ADCY2: variants seen among roughly 807,000 people sequenced by gnomAD.
ADCY2 encodes adenylate cyclase type 2.
In ADCY2, 31 loss-of-function variants were observed where a neutral mutation model predicts 125.2. That is an observed-to-expected ratio of 0.25 (90% CI 0.19 to 0.33). The LOEUF (loss-of-function observed/expected upper bound fraction) is 0.33, where lower values mean the gene tolerates loss of function less well. ADCY2 is among the 10% of genes least tolerant of loss of function. The pLI, the probability that ADCY2 is intolerant of heterozygous loss-of-function variation, is 1.00. For missense variants in ADCY2, 904 were observed against 1,418.2 expected (o/e 0.64, Z 5.82); for synonymous variants, 512 against 548.4 (o/e 0.93, Z 0.93).
intron 2 of ADCY2, among the ~76,000 whole-genome samples, chr5:7,437,716 G>A (rs1007273700): frequency 6.6e-6 from 1 of 152,214 alleles, no homozygotes. Context: ...TCGTTCAACA[G>A]GTGAGTAATA....
chr5:7,552,741 G>T (rs1473418383), intron 3 of ADCY2, among the ~76,000 whole-genome samples: 2 of 152,084 alleles, frequency 1.3e-5, no homozygotes, highest in Non-Finnish European at 2.9e-5. Context: ...AAATAACTTG[G>T]CCTTATTAAC....
At chr5:7,580,456 T>G (rs1468588569) in intron 3 of ADCY2, among the ~76,000 whole-genome samples, 1 of 152,146 alleles carries the variant, frequency 6.6e-6, no homozygotes, top group African/African-American at 2.4e-5. Flanking sequence ...GTTAATATAT[T>G]AATGAGTGAG....
intron 4 of ADCY2, among the ~76,000 whole-genome samples, chr5:7,666,490 G>A (rs971085776): frequency 3.3e-5 from 5 of 151,892 alleles, no homozygotes; most frequent in Admixed American, 1.3e-4. Context: ...GGATGGTCTC[G>A]ATCTCCGGAC....
intron 4 of ADCY2, among the ~76,000 whole-genome samples, chr5:7,669,348 G>C (rs945906944): frequency 6.6e-6 from 1 of 152,162 alleles, no homozygotes. Context: ...GGACACGGTA[G>C]GTCAGAGGGC....
chr5:7,798,673 G>C (rs377662270), intron 20 of ADCY2: 1 of 149,984 alleles, frequency 6.7e-6, no homozygotes, highest in Non-Finnish European at 1.5e-5. Context: ...TCTACCTCCC[G>C]GGTTCACGCC....
At chr5:7,456,250 G>C (rs772949621) in intron 2 of ADCY2, among the ~76,000 whole-genome samples, 2 of 152,188 alleles carry the variant, frequency 1.3e-5, no homozygotes, top group African/African-American at 4.8e-5. Flanking sequence ...TCTAGATTAT[G>C]AATTTGGTAT....
intron 4 of ADCY2, among the ~76,000 whole-genome samples, chr5:7,674,952 G>T (rs983600494): frequency 6.6e-6 from 1 of 152,052 alleles, no homozygotes; most frequent in Non-Finnish European, 1.5e-5. Context: ...TCAGGAGATC[G>T]AGACCATCCT....
At chr5:7,761,503 G>A (rs1008154196) in intron 16 of ADCY2, among the ~76,000 whole-genome samples, 1 of 152,086 alleles carries the variant, frequency 6.6e-6, no homozygotes, top group South Asian at 2.1e-4. Flanking sequence ...TATCTTGGGT[G>A]TTATGAATAA....
chr5:7,398,985 A>G (rs1407164886), intron 1 of ADCY2, among the ~76,000 whole-genome samples: 1 of 152,214 alleles, frequency 6.6e-6, no homozygotes, highest in Admixed American at 6.5e-5. Flanking sequence ...GTGTTCATGT[A>G]ATTAGAGATG....
chr5:7,663,433 G>T (rs1016720121), intron 4 of ADCY2, among the ~76,000 whole-genome samples: 9 of 152,252 alleles, frequency 5.9e-5, no homozygotes, highest in African/African-American at 2.2e-4. Flanking sequence ...CTCCCACGGG[G>T]GGGCCTGGAG....
intron 2 of ADCY2, among the ~76,000 whole-genome samples, chr5:7,481,946 T>C (rs1245099624): frequency 1.3e-5 from 2 of 152,180 alleles, no homozygotes; most frequent in Admixed American, 1.3e-4. Flanking sequence ...TTTGAGGCAC[T>C]ATATTTTATT....
chr5:7,666,768 C>A (rs1159620551), intron 4 of ADCY2, among the ~76,000 whole-genome samples: 1 of 152,220 alleles, frequency 6.6e-6, no homozygotes, highest in African/African-American at 2.4e-5. Flanking sequence ...ATATTGCCCC[C>A]CTGGCTTCCT....
intron 3 of ADCY2, among the ~76,000 whole-genome samples, chr5:7,538,115 G>T (rs1734879050): frequency 6.6e-6 from 1 of 152,166 alleles, no homozygotes; most frequent in African/African-American, 2.4e-5. Flanking sequence ...CTTTGTCTTT[G>T]ATCTCGGGTA....
intron 3 of ADCY2, among the ~76,000 whole-genome samples, chr5:7,558,261 G>A (rs1735598870): frequency 6.6e-6 from 1 of 151,926 alleles, no homozygotes; most frequent in Non-Finnish European, 1.5e-5. Flanking sequence ...CCATGTTGCC[G>A]AGGCTGGTCT....
At chr5:7,664,107 A>T (rs939995718) in intron 4 of ADCY2, among the ~76,000 whole-genome samples, 3 of 152,230 alleles carry the variant, frequency 2.0e-5, no homozygotes, top group African/African-American at 7.2e-5. Context: ...TAACACTAGC[A>T]GTTTCTGTTT....
chr5:7,593,516 C>A (rs1325884935), intron 3 of ADCY2, among the ~76,000 whole-genome samples: 2 of 151,744 alleles, frequency 1.3e-5, no homozygotes, highest in African/African-American at 4.8e-5. Context: ...GACTTTGTTA[C>A]CAACAGGGAT....
In ADCY2 at chr5:7,669,628, A is replaced by T. The variant is rs551410485; in HGVS notation, c.721-21063A>T. Among the ~76,000 whole-genome samples the T allele has an allele frequency of 7.2e-5, 11 of 152,342 alleles. 1 individual carries two copies. Among genetic ancestry groups the T allele is most frequent in the African/African-American group, 2.2e-4 (9 of 41,584 alleles). On this transcript the variant is annotated intron_variant, in intron 4 of 24. Transcript: ENST00000338316. The stretch of plus-strand genomic sequence containing the variant: ...AGAATAGAAAATGTCAGCGCATTTC[A>T]TGTAAAAAAGGTAAGTTTTTGTGGG...
intron 15 of ADCY2, among the ~76,000 whole-genome samples, chr5:7,751,683 G>A (rs1175582961): frequency 6.6e-6 from 1 of 152,168 alleles, no homozygotes; most frequent in Non-Finnish European, 1.5e-5. Context: ...TGTACAGAAA[G>A]TATAGCAGTT....
intron 1 of ADCY2, among the ~76,000 whole-genome samples, chr5:7,402,398 TG>T (rs1423413847): frequency 6.6e-6 from 1 of 152,218 alleles, no homozygotes; most frequent in Non-Finnish European, 1.5e-5. Context: ...GAGAAGACTT[TG>T]TTTGTTCAAC....
Sources: allele counts gnomAD v4.1 joint callset (sites outside exome capture counted in the v4.1 genomes callset), GRCh38; gene constraint gnomAD v4.1.1; transcripts MANE v1.5; gene names NCBI Gene and HGNC (gene_info 2026-07-23, HGNC 2026-07-21).